THAP8: variants seen among roughly 807,000 people sequenced by gnomAD.
THAP8 encodes the protein THAP domain-containing protein 8.
A neutral mutation model predicts 25.0 loss-of-function variants in THAP8; 24 were observed. That is an observed-to-expected ratio of 0.96 (90% CI 0.69 to 1.35). The LOEUF is 1.35. Ranked by LOEUF, THAP8 falls within the 40% of genes most tolerant of loss-of-function variation. THAP8 has a pLI of 0.00. For synonymous variants in THAP8, 169 were observed against 157.6 expected, an observed-to-expected ratio of 1.07 and a Z score of -0.54; for missense variants, 399 against 368.8, an observed-to-expected ratio of 1.08 and a Z score of -0.67.
chr19:36,051,066 T>C (rs1970043499), intron 1 of THAP8, among the ~76,000 whole-genome samples: 1 of 151,224 alleles, frequency 6.6e-6, no homozygotes, highest in African/African-American at 2.5e-5. Flanking sequence ...GAAAACGCAA[T>C]ATGCAGACAG....
chr19:36,054,554 T>G (rs1970234762), upstream of THAP8: 1 of 551,708 alleles, frequency 1.8e-6, no homozygotes, highest in Non-Finnish European at 3.3e-6. Flanking sequence ...AACTGGCTAG[T>G]CAATCTCTTA....
At chr19:36,038,647 C>T (rs942803740) in intron 3 of THAP8, among the ~76,000 whole-genome samples, 7 of 152,118 alleles carry the variant, frequency 4.6e-5, no homozygotes, top group Non-Finnish European at 2.9e-5. Flanking sequence ...GTGAGGAGAT[C>T]GAGACCATCC....
chr19:36,054,288 C>T (rs1278014520), upstream of THAP8: 1 of 1,518,884 alleles, frequency 6.6e-7, no homozygotes, highest in Non-Finnish European at 8.9e-7. Flanking sequence ...CGCCGCCTAA[C>T]CCCGCCCCAC....
At chr19:36,046,809 G>A (rs1008428187) in intron 1 of THAP8, among the ~76,000 whole-genome samples, 21 of 152,306 alleles carry the variant, frequency 1.4e-4, no homozygotes, top group African/African-American at 4.8e-4. Context: ...AGGCCACAAT[G>A]TGTCCTGCTA....
At chr19:36,045,871 A>G (rs1220499401) in intron 1 of THAP8, 1 of 456,736 alleles carries the variant, frequency 2.2e-6, no homozygotes, top group Non-Finnish European at 4.4e-6. Flanking sequence ...GTTTTGGCCC[A>G]GGAAAGCCGA....
At chr19:36,037,947 TTTTG>T (rs1969536118) in intron 3 of THAP8, among the ~76,000 whole-genome samples, 1 of 151,834 alleles carries the variant, frequency 6.6e-6, no homozygotes, top group African/African-American at 2.4e-5. Flanking sequence ...CTTTTTTTGT[TTTTG>T]TTTTTGTTTT....
At position 36,039,482 on chromosome 19, in the gene THAP8, G is replaced by A. The variant is rs529222486; in HGVS notation, c.513C>T (p.Thr171=). 101 of 1,593,052 alleles carry A rather than the reference G, an allele frequency of 6.3e-5. 1 individual carries two copies. The highest frequency in any genetic ancestry group is 4.3e-4 in the East Asian group (19 of 44,182). ...QPEVPAQQAQ[T]GLGPVLGALQ... is the part of the protein sequence containing the mutation. Reference sequence around the variant, plus strand: ...GTGCTCCCAGCACTGGGCCCAGCCCGGTCTGGGCCTGTTGGGCAGGGACTT... The same window carrying A: ...GTGCTCCCAGCACTGGGCCCAGCCCAGTCTGGGCCTGTTGGGCAGGGACTT... Residue 171 remains threonine (T), a synonymous_variant, in exon 3 of 4, where the codon ACC becomes ACT. Coordinates refer to ENST00000292894, the MANE Select transcript of THAP8 (RefSeq NM_152658.3).
chr19:36,050,245 A>G (rs188844674), intron 1 of THAP8, among the ~76,000 whole-genome samples: 2 of 152,188 alleles, frequency 1.3e-5, no homozygotes, highest in African/African-American at 4.8e-5. Context: ...CCTGGGATCC[A>G]GTGATTCTCT....
At position 36,035,435 on chromosome 19, in the gene THAP8, G is replaced by T; in HGVS notation, c.*5C>A. Reference sequence around the variant, plus strand: ...TTTGTCCCTCGACATTGTCTGTCTTGATCCTTATGCACTGGGGATCCGAGT... The same window carrying T: ...TTTGTCCCTCGACATTGTCTGTCTTTATCCTTATGCACTGGGGATCCGAGT... On this transcript the variant is annotated 3_prime_UTR_variant, in exon 4 of 4. Transcript: ENST00000292894. 6 of 1,612,536 alleles carry T rather than the reference G, an allele frequency of 3.7e-6. No individual in the cohort carries two copies. The highest frequency in any genetic ancestry group is 5.1e-6 in the Non-Finnish European group (6 of 1,178,944).
chr19:36,054,430 C>A (rs1970225241), upstream of THAP8: 24 of 620,586 alleles, frequency 3.9e-5, no homozygotes, highest in South Asian at 4.3e-4. Flanking sequence ...GACGAATGGG[C>A]CATAGCGAGT....
At chr19:36,040,989 T>C (rs997077873) in intron 1 of THAP8, among the ~76,000 whole-genome samples, 3 of 151,974 alleles carry the variant, frequency 2.0e-5, no homozygotes, top group African/African-American at 4.8e-5. Context: ...TGGGGAAAAC[T>C]GAACATGAAC....
At position 36,035,847 on chromosome 19, in the gene THAP8, G is replaced by A. The variant is rs1599711008; in HGVS notation, c.673-255C>T. On this transcript the variant is annotated intron_variant, in intron 3 of 3. Coordinates refer to ENST00000292894, the MANE Select transcript of THAP8 (RefSeq NM_152658.3). ...CAGACGCAGACACGTGGGGGAAAGAGATGTGCAGGCAGACAGACGTACAGA... is the reference window on the plus strand; with the variant it reads ...CAGACGCAGACACGTGGGGGAAAGAAATGTGCAGGCAGACAGACGTACAGA... Among the ~76,000 whole-genome samples, 3 of 152,170 alleles carry A rather than the reference G, an allele frequency of 2.0e-5. No homozygotes were observed. In the South Asian group the frequency reaches 6.2e-4, roughly 32 times the overall value.
At chr19:36,046,041 G>A (rs1270293710) in intron 1 of THAP8, 4 of 369,320 alleles carry the variant, frequency 1.1e-5, no homozygotes, top group Non-Finnish European at 1.6e-5. Context: ...ATGGTAATGT[G>A]GTTTGGCTCT....
At chr19:36,042,743 T>C (rs1009610237) in intron 1 of THAP8, among the ~76,000 whole-genome samples, 8 of 152,066 alleles carry the variant, frequency 5.3e-5, no homozygotes, top group Admixed American at 4.6e-4. Context: ...ATACATACAA[T>C]GGAATTTTAT....
intron 1 of THAP8, among the ~76,000 whole-genome samples, chr19:36,049,105 G>A (rs1024702544): frequency 2.6e-5 from 4 of 152,106 alleles, no homozygotes; most frequent in Non-Finnish European, 5.9e-5. Flanking sequence ...AGGCATGGTG[G>A]CACATGCCTG....
At chr19:36,049,895 A>C (rs1311164845) in intron 1 of THAP8, among the ~76,000 whole-genome samples, 1 of 152,044 alleles carries the variant, frequency 6.6e-6, no homozygotes, top group Non-Finnish European at 1.5e-5. Flanking sequence ...TCTACTAAAA[A>C]TACAAAGAAT....
chr19:36,037,065 G>A (rs1375540556), intron 3 of THAP8, among the ~76,000 whole-genome samples: 7 of 151,938 alleles, frequency 4.6e-5, no homozygotes. Flanking sequence ...CATACAAGCA[G>A]GGCTCTGAAA....
At chr19:36,046,610 G>A (rs1490121339) in intron 1 of THAP8, among the ~76,000 whole-genome samples, 1 of 152,162 alleles carries the variant, frequency 6.6e-6, no homozygotes, top group East Asian at 1.9e-4. Context: ...GAGTCTGGCT[G>A]CTGCAGTCAG....
At chr19:36,040,919 A>G (rs917280621) in intron 1 of THAP8, among the ~76,000 whole-genome samples, 1 of 152,142 alleles carries the variant, frequency 6.6e-6, no homozygotes, top group African/African-American at 2.4e-5. Context: ...ATCAGCACAA[A>G]CGCAGGATGT....
Sources: gnomAD v4.1 joint callset for allele counts (sites outside exome capture counted in the v4.1 genomes callset) on GRCh38, gnomAD v4.1.1 for gene constraint, MANE v1.5 for transcripts, NCBI Gene and HGNC (gene_info 2026-07-23, HGNC 2026-07-21) for gene names.